ENDOV: variants seen among roughly 807,000 people sequenced by gnomAD.
ENDOV encodes hEndoV.
In ENDOV, 37 loss-of-function variants were observed where a neutral mutation model predicts 39.4. The ratio of observed to expected loss-of-function variants is 0.94; its 90% confidence interval spans 0.72 to 1.23. ENDOV has a LOEUF of 1.23. ENDOV is among the 50% of genes most tolerant of loss of function. ENDOV has a pLI of 0.00. For synonymous variants in ENDOV, 186 were observed against 163.4 expected (o/e 1.14, Z -1.05); for missense variants, 441 against 375.7 (o/e 1.17, Z -1.44).
chr17:80,425,525 C>G lies in ENDOV; in HGVS notation c.619C>G (p.Leu207Val). ...LRSHDRSTRP[L>V]YISVGHRMSL... ...GAGCCACGACCGCAGCACCAGGCCCCTCTACATCTCCGTGGGCCACAGGAT... is the reference window on the plus strand; with the variant it reads ...GAGCCACGACCGCAGCACCAGGCCCGTCTACATCTCCGTGGGCCACAGGAT... Residue 207 changes from leucine to valine, a missense_variant, in exon 7 of 10, where the codon CTC becomes GTC. By Grantham distance (32) the Leu-to-Val change is conservative. Transcript: ENST00000518137. 1 of 1,597,654 alleles carries G rather than the reference C, an allele frequency of 6.3e-7. No homozygotes were observed. The highest frequency in any genetic ancestry group is 8.5e-7 in the Non-Finnish European group (1 of 1,175,444).
rs758712480 is a variant in ENDOV, at chr17:80,433,114, C to T, written c.839-3019C>T. 3.5e-5 allele frequency: 18 copies of T among 520,066 alleles called. No homozygotes were observed. The East Asian group carries it at 5.4e-4, about 16-fold the overall frequency. 32.2% of individuals were successfully genotyped at this position (520,066 alleles called of 1,614,324 possible). ...CTAGAGCTTTCCCTGTCCAGAGCTCCGGGAGCACAGGTGGCAGGGAATTAG... is the reference window on the plus strand; with the variant it reads ...CTAGAGCTTTCCCTGTCCAGAGCTCTGGGAGCACAGGTGGCAGGGAATTAG... On this transcript the variant is annotated intron_variant, in intron 9 of 9. Coordinates refer to ENST00000518137, the MANE Select transcript of ENDOV (RefSeq NM_173627.5).
intron 9 of ENDOV, 48 bp from the exon 10 acceptor site, chr17:80,436,085 G>A (rs1160804904): frequency 4.4e-6 from 7 of 1,596,190 alleles, no homozygotes; most frequent in South Asian, 1.1e-5. Flanking sequence ...CACTCTGAAC[G>A]CCTTTTATTT....
At position 80,437,278 on chromosome 17, in the gene ENDOV, A is replaced by C. The variant is rs2083623383; in HGVS notation, c.*1135A>C. On this transcript the variant is annotated 3_prime_UTR_variant, in exon 10 of 10. Transcript: ENST00000518137. ...CGGAGCTCCAACCACATCTGCCTGC[A>C]TGCCTTTCCCAGGCTCTCCCCAGGC... 6.5e-6 allele frequency: 1 copy of C among 152,732 alleles called. No individual in the cohort carries two copies. The highest frequency in any genetic ancestry group is 1.5e-5 in the Non-Finnish European group (1 of 68,142). The allele number at this position is 152,732 out of a possible 1,614,324, so 9.5% of individuals were successfully genotyped here.
intron 5 of ENDOV, chr17:80,424,046 G>C (rs6565688): frequency 0.43 from 98,233 of 226,316 alleles, 18,234 homozygotes; most frequent in African/African-American, 0.68. Context: ...CCCCCCTCCC[G>C]CCAAGACCTG....
chr17:80,430,129 A>G, intron 9 of ENDOV: 3 of 1,527,106 alleles, frequency 2.0e-6, no homozygotes, highest in Non-Finnish European at 2.6e-6. Flanking sequence ...GGCAGAGGTG[A>G]CCACGGCCCC....
chr17:80,424,592 G>C (rs1224698257), intron 5 of ENDOV, among the ~76,000 whole-genome samples: 3 of 151,938 alleles, frequency 2.0e-5, no homozygotes, highest in African/African-American at 7.3e-5. Context: ...GTGTGGCTTT[G>C]CCTGGGCTGT....
At chr17:80,432,771 G>A (rs1266415008) in intron 9 of ENDOV, among the ~76,000 whole-genome samples, 2 of 152,066 alleles carry the variant, frequency 1.3e-5, no homozygotes, top group Non-Finnish European at 2.9e-5. Flanking sequence ...AGTCATGGGG[G>A]CGTGTGGGGG....
At position 80,415,184 on chromosome 17, in the gene ENDOV, G is replaced by C; in HGVS notation, c.-11G>C. The C allele has an allele frequency of 6.2e-7, 1 of 1,612,686 alleles. No individual in the cohort carries two copies. Among genetic ancestry groups the C allele is most frequent in the Non-Finnish European group, 8.5e-7 (1 of 1,179,492 alleles). ...GAAGTGACGTGCGGAAGGGGTGCCC[G>C]GGACGAAGCCATGGCCCTGGAGGCG... On this transcript the variant is annotated 5_prime_UTR_variant, in exon 1 of 10. Coordinates refer to ENST00000518137, the MANE Select transcript of ENDOV (RefSeq NM_173627.5).
intron 7 of ENDOV, among the ~76,000 whole-genome samples, chr17:80,427,087 G>C (rs556966252): frequency 1.3e-5 from 2 of 152,370 alleles, no homozygotes; most frequent in South Asian, 4.1e-4. Flanking sequence ...TACCACAATG[G>C]CCCTCGCCCT....
intron 9 of ENDOV, among the ~76,000 whole-genome samples, chr17:80,435,669 C>T (rs948655382): frequency 1.7e-4 from 26 of 151,930 alleles, no homozygotes; most frequent in African/African-American, 4.4e-4. Context: ...GGCTGGTGTG[C>T]GGTGGCGTGA....
intron 5 of ENDOV, 40 bp from the exon 6 acceptor site, chr17:80,424,992 G>T (rs2082508871): frequency 6.4e-7 from 1 of 1,559,438 alleles, no homozygotes; most frequent in African/African-American, 1.4e-5. Flanking sequence ...TCACCAAGAA[G>T]AGAGGGGTTT....
chr17:80,418,170 C>T (rs1169171164), intron 2 of ENDOV: 1 of 152,160 alleles, frequency 6.6e-6, no homozygotes, highest in Non-Finnish European at 1.5e-5. Flanking sequence ...TCTGCCACTC[C>T]CCACTTTGCC....
In ENDOV at chr17:80,418,093, T is replaced by C. The variant is rs1176061046; in HGVS notation, c.228+2272T>C. The stretch of plus-strand genomic sequence containing the variant: ...CTACTCTAAGAGGTCCCCTGGCCAT[T>C]GTGTAGGCTAGCATAGGGAGTGGGG... On this transcript the variant is annotated intron_variant, in intron 2 of 9. Transcript: ENST00000518137. 2.6e-5 allele frequency: 4 copies of C among 152,170 alleles called. No individual in the cohort carries two copies. In the East Asian group the frequency reaches 7.7e-4, roughly 29 times the overall value. 9.4% of individuals were successfully genotyped at this position (152,170 alleles called of 1,614,324 possible).
chr17:80,422,188 C>G lies in ENDOV; in HGVS notation c.364-18C>G. 6.2e-7 allele frequency: 1 copy of G among 1,613,594 alleles called. No homozygotes were observed. The highest frequency in any genetic ancestry group is 8.5e-7 in the Non-Finnish European group (1 of 1,179,788). ...AGGGGCAGCTCAGCTGACTGTGACT[C>G]TCCCTGTGGCTCCATAGGTCCTTCT... On this transcript the variant is annotated intron_variant, in intron 3 of 9. Transcript: ENST00000518137.
At chr17:80,427,992 G>A (rs2082931103) in intron 7 of ENDOV, 11 of 888,288 alleles carry the variant, frequency 1.2e-5, no homozygotes, top group Non-Finnish European at 1.6e-5. Flanking sequence ...GGATCAGGGG[G>A]ACTTCCCAGG....
At chr17:80,431,136 C>G (rs1299009475) in intron 9 of ENDOV, among the ~76,000 whole-genome samples, 1 of 152,254 alleles carries the variant, frequency 6.6e-6, no homozygotes, top group Non-Finnish European at 1.5e-5. Flanking sequence ...GATTTGACAG[C>G]TTGGGACAAG....
intron 2 of ENDOV, chr17:80,419,758 T>TC: frequency 1.5e-6 from 1 of 683,882 alleles, no homozygotes; most frequent in Non-Finnish European, 2.7e-6. Flanking sequence ...GTTCACACAA[T>TC]CCATCTTTCC....
intron 2 of ENDOV, chr17:80,418,590 C>T (rs2081512959): frequency 6.6e-6 from 1 of 152,124 alleles, no homozygotes; most frequent in African/African-American, 2.4e-5. Flanking sequence ...TTCCTGAATG[C>T]CCGACCGTGG....
intron 6 of ENDOV, 116 bp from the exon 7 acceptor site, chr17:80,425,376 C>T: frequency 7.0e-7 from 1 of 1,437,786 alleles, no homozygotes; most frequent in Non-Finnish European, 9.3e-7. Flanking sequence ...AGCACTGCCC[C>T]TTCAGCTTCC....
Sources: gnomAD v4.1 joint callset for allele counts (sites outside exome capture counted in the v4.1 genomes callset) on GRCh38, gnomAD v4.1.1 for gene constraint, MANE v1.5 for transcripts, NCBI Gene and HGNC (gene_info 2026-07-23, HGNC 2026-07-21) for gene names.